Variants in CTIF observed in about 807,000 individuals in gnomAD.
The protein encoded by CTIF is CBP80/20-dependent translation initiation factor.
A neutral mutation model predicts 66.0 loss-of-function variants in CTIF; 21 were observed. The ratio of observed to expected loss-of-function variants is 0.32; its 90% CI spans 0.23 to 0.46. The LOEUF is 0.46. Ranked by LOEUF, CTIF falls within the 20% of genes least tolerant of loss-of-function variation. The probability of loss-of-function intolerance (pLI) is 1.00; values close to 1 mark genes in which losing one functional copy is unlikely to be tolerated. For synonymous variants in CTIF, 345 were observed against 326.4 expected (o/e 1.06, Z -0.62); for missense variants, 739 against 812.7 (o/e 0.91, Z 1.10).
intron 10 of CTIF, among the ~76,000 whole-genome samples, chr18:48,819,697 A>G (rs547256234): frequency 6.6e-6 from 1 of 152,346 alleles, no homozygotes; most frequent in East Asian, 1.9e-4. Context: ...TGCTCATGGT[A>G]AACTTGAAGA....
At chr18:48,725,495 A>G (rs1282648194) in intron 7 of CTIF, among the ~76,000 whole-genome samples, 4 of 152,100 alleles carry the variant, frequency 2.6e-5, no homozygotes, top group African/African-American at 7.2e-5. Flanking sequence ...TTACTCTACA[A>G]GCAGTCAAGG....
At chr18:48,762,316 G>A (rs1373527839) in intron 9 of CTIF, among the ~76,000 whole-genome samples, 1 of 152,166 alleles carries the variant, frequency 6.6e-6, no homozygotes, top group Non-Finnish European at 1.5e-5. Flanking sequence ...GAAGGCCCAC[G>A]TCCAGTGGTT....
chr18:48,671,336 A>G (rs2091530838), intron 6 of CTIF, among the ~76,000 whole-genome samples: 1 of 151,864 alleles, frequency 6.6e-6, no homozygotes, highest in Non-Finnish European at 1.5e-5. Flanking sequence ...AGCTGCTCTC[A>G]GGAGTGTGAC....
intron 9 of CTIF, among the ~76,000 whole-genome samples, chr18:48,782,732 C>A (rs962074207): frequency 6.6e-6 from 1 of 152,194 alleles, no homozygotes; most frequent in Non-Finnish European, 1.5e-5. Context: ...CCAACCTCGG[C>A]TTGGGTTCCC....
chr18:48,540,999 C>T (rs1412811570), intron 1 of CTIF, among the ~76,000 whole-genome samples: 2 of 152,170 alleles, frequency 1.3e-5, no homozygotes, highest in Non-Finnish European at 2.9e-5. Context: ...CGCGACGCCC[C>T]GTGACCCGGC....
At chr18:48,758,878 T>C (rs564681374) in intron 8 of CTIF, among the ~76,000 whole-genome samples, 1 of 152,270 alleles carries the variant, frequency 6.6e-6, no homozygotes, top group Non-Finnish European at 1.5e-5. Context: ...AGGTGAGTTG[T>C]TCAGAGTGGG....
chr18:48,760,381 GA>G (rs1436851455), intron 8 of CTIF: 1 of 152,018 alleles, frequency 6.6e-6, no homozygotes, highest in Non-Finnish European at 1.5e-5. Context: ...AGGGCTCAAG[GA>G]AAGCTATAGA....
chr18:48,645,203 A>G (rs1406411602), intron 3 of CTIF, among the ~76,000 whole-genome samples: 2 of 140,332 alleles, frequency 1.4e-5, no homozygotes, highest in African/African-American at 5.2e-5. Context: ...CTGAGGAACG[A>G]CACAGCGAGG....
intron 10 of CTIF, among the ~76,000 whole-genome samples, chr18:48,818,384 C>T (rs770344004): frequency 1.3e-4 from 20 of 152,154 alleles, no homozygotes; most frequent in Admixed American, 7.9e-4. Context: ...ATGGGCTCCC[C>T]GTTTACCAGC....
intron 3 of CTIF, among the ~76,000 whole-genome samples, chr18:48,653,971 T>C (rs1339379359): frequency 6.6e-6 from 1 of 152,110 alleles, no homozygotes; most frequent in African/African-American, 2.4e-5. Context: ...ATACAAAAAT[T>C]AATTCAAGAT....
At chr18:48,580,263 C>CT (rs1457354817) in intron 1 of CTIF, among the ~76,000 whole-genome samples, 2 of 152,104 alleles carry the variant, frequency 1.3e-5, no homozygotes, top group East Asian at 3.9e-4. Context: ...GCACTGAGGC[C>CT]TTTTTAGTGA....
chr18:48,715,037 C>G (rs575645632), intron 7 of CTIF, among the ~76,000 whole-genome samples: 12 of 152,156 alleles, frequency 7.9e-5, no homozygotes, highest in Admixed American at 3.9e-4. Context: ...GCAGCAAACC[C>G]GGAAAGCCTT....
intron 3 of CTIF, among the ~76,000 whole-genome samples, chr18:48,638,798 C>T (rs1311447787): frequency 6.6e-5 from 10 of 152,272 alleles, no homozygotes; most frequent in African/African-American, 2.4e-4. Context: ...TAAATCCTTT[C>T]TTGACAGGTG....
At chr18:48,782,314 G>C (rs574904212) in intron 9 of CTIF, among the ~76,000 whole-genome samples, 1 of 152,100 alleles carries the variant, frequency 6.6e-6, no homozygotes, top group Admixed American at 6.5e-5. Flanking sequence ...AAGCTCCAGG[G>C]CCCCTGCCTG....
rs146865581 is a variant in CTIF, at chr18:48,608,265, C to A, written c.-28-11273C>A. ...GATGGTTACAGCGCAAGAAGGTGGGCCAGTGTTGCTCGATCATCCAGTTTT... is the reference window on the plus strand; with the variant it reads ...GATGGTTACAGCGCAAGAAGGTGGGACAGTGTTGCTCGATCATCCAGTTTT... On this transcript the variant is annotated intron_variant, in intron 1 of 11. Coordinates refer to ENST00000256413, the MANE Select transcript of CTIF (RefSeq NM_014772.3). 2.8e-3 allele frequency among the ~76,000 whole-genome samples: 424 copies of A among 152,210 alleles called. 1 individual carries two copies. The highest frequency in any genetic ancestry group is 9.6e-3 in the African/African-American group (400 of 41,506).
At chr18:48,814,740 C>A (rs2068326800) in intron 9 of CTIF, among the ~76,000 whole-genome samples, 1 of 152,198 alleles carries the variant, frequency 6.6e-6, no homozygotes, top group Admixed American at 6.5e-5. Context: ...GCTAGGACCC[C>A]CTGTGAACAC....
At chr18:48,856,477 A>G (rs1441532460) in intron 10 of CTIF, among the ~76,000 whole-genome samples, 2 of 152,278 alleles carry the variant, frequency 1.3e-5, no homozygotes, top group Non-Finnish European at 2.9e-5. Context: ...TAGCAGCACT[A>G]TTCCTAATAG....
At chr18:48,751,914 A>G (rs1273462431) in intron 7 of CTIF, among the ~76,000 whole-genome samples, 1 of 151,806 alleles carries the variant, frequency 6.6e-6, no homozygotes, top group Non-Finnish European at 1.5e-5. Flanking sequence ...ATGAAACAAT[A>G]ATGAACCAGC....
chr18:48,692,808 G>A (rs993516722), intron 6 of CTIF: 1 of 152,192 alleles, frequency 6.6e-6, no homozygotes, highest in Non-Finnish European at 1.5e-5. Flanking sequence ...TCCATCCCTA[G>A]ACACTCTGAT....
Sources: gnomAD v4.1 joint callset for allele counts (sites outside exome capture counted in the v4.1 genomes callset) on GRCh38, gnomAD v4.1.1 for gene constraint, MANE v1.5 for transcripts, NCBI Gene and HGNC (gene_info 2026-07-23, HGNC 2026-07-21) for gene names.